PDE4DIP: variants seen among roughly 807,000 people sequenced by gnomAD.
PDE4DIP encodes myomegalin.
Under a neutral mutation model 221.4 loss-of-function variants are expected in PDE4DIP, and 59 were observed. The observed-to-expected ratio is 0.27, with a 90% CI of 0.22 to 0.33. PDE4DIP has a LOEUF of 0.33. Ranked by LOEUF, PDE4DIP falls within the 10% of genes least tolerant of loss-of-function variation. PDE4DIP has a pLI of 1.00. For missense variants in PDE4DIP, 1,036 were observed against 2,154.2 expected, an observed-to-expected ratio of 0.48 and a Z score of 10.28; for synonymous variants, 404 against 815.9, an observed-to-expected ratio of 0.50 and a Z score of 8.60.
chr1:148,956,230 A>G (rs1318569101), intron 5 of PDE4DIP, among the ~76,000 whole-genome samples: 1 of 151,976 alleles, frequency 6.6e-6, no homozygotes, highest in Non-Finnish European at 1.5e-5. Context: ...TTCTGCCACA[A>G]ATATGGAGAA....
At chr1:148,975,875 T>C (rs2060077637) in intron 17 of PDE4DIP, among the ~76,000 whole-genome samples, 1 of 152,174 alleles carries the variant, frequency 6.6e-6, no homozygotes, top group Non-Finnish European at 1.5e-5. Flanking sequence ...ATCTATAATA[T>C]AAAACCTGTG....
chr1:148,838,568 C>T (rs1448049932), intron 1 of PDE4DIP, among the ~76,000 whole-genome samples: 4 of 85,150 alleles, frequency 4.7e-5, no homozygotes, highest in Admixed American at 1.3e-4. Context: ...TGAATGCACC[C>T]GATCTCTTCT....
At chr1:148,969,536 C>T (rs2151938403) in intron 14 of PDE4DIP, among the ~76,000 whole-genome samples, 1 of 152,098 alleles carries the variant, frequency 6.6e-6, no homozygotes, top group East Asian at 1.9e-4. Context: ...TGATATTTTG[C>T]ATTTCCAGTC....
In PDE4DIP at chr1:148,966,707, G is replaced by A. The variant is rs782480361; in HGVS notation, c.1467+51G>A. On this transcript the variant is annotated intron_variant, in intron 11 of 43. Transcript: ENST00000369354. Reference sequence around the variant, plus strand: ...TGCTATGGATTATTCTATCTACATAGGTATTATAGAAATTTGTGTTTGCTT... The same window carrying A: ...TGCTATGGATTATTCTATCTACATAAGTATTATAGAAATTTGTGTTTGCTT... 11 of 717,572 alleles carry A rather than the reference G, an allele frequency of 1.5e-5. No homozygotes were observed. The East Asian group carries it at 2.7e-4, about 18-fold the overall frequency. 44.5% of individuals were successfully genotyped at this position (717,572 alleles called of 1,614,324 possible). A position where few individuals can be genotyped will look rare whatever the true frequency, so the allele number is the denominator to read the frequency against.
At chr1:148,866,611 AGGGAGGGAGGGAGGGAGGG>A (rs1686874742) in intron 2 of PDE4DIP, 4 of 35,722 alleles carry the variant, frequency 1.1e-4, no homozygotes, top group African/African-American at 3.7e-4. Context: ...GAAGGAAGGG[AGGGAGGGAGGGAGGGAGGG>A]GGAAGGGAGG....
chr1:148,893,055 A>ATG (rs1274799026), intron 1 of PDE4DIP, among the ~76,000 whole-genome samples: 11 of 77,722 alleles, frequency 1.4e-4, no homozygotes, highest in African/African-American at 2.8e-4. Flanking sequence ...TTATATATAT[A>ATG]TGTGTGTGTC....
intron 37 of PDE4DIP, among the ~76,000 whole-genome samples, chr1:149,023,240 T>A (rs1226738875): frequency 1.3e-5 from 2 of 152,316 alleles, no homozygotes; most frequent in East Asian, 3.9e-4. Context: ...ATCTAGATGA[T>A]CTGACATGAG....
intron 5 of PDE4DIP, among the ~76,000 whole-genome samples, chr1:148,957,941 CTGT>C (rs2055795688): frequency 7.4e-6 from 1 of 135,830 alleles, no homozygotes; most frequent in Non-Finnish European, 1.6e-5. Context: ...GTAGGTGTTA[CTGT>C]TGTTTTACGC....
intron 35 of PDE4DIP, 143 bp from the exon 39 acceptor site, chr1:149,020,004 G>C: frequency 1.7e-6 from 1 of 602,818 alleles, no homozygotes; most frequent in South Asian, 2.1e-5. Context: ...GGGGGATGTT[G>C]AGCCAGCATG....
chr1:148,999,580 G>A (rs1398025941), intron 23 of PDE4DIP, among the ~76,000 whole-genome samples: 12 of 151,992 alleles, frequency 7.9e-5, no homozygotes, highest in African/African-American at 2.7e-4. Context: ...ATTGTTCTAA[G>A]TGCTGATTCT....
chr1:148,979,765 A>G (rs1553540587), exon 20 of PDE4DIP: 1 of 1,613,502 alleles, frequency 6.2e-7, no homozygotes. Flanking sequence ...GGACTAGTAG[A>G]TGAACGGAGT....
intron 21 of PDE4DIP, among the ~76,000 whole-genome samples, chr1:148,987,637 G>A (rs1483582128): frequency 6.6e-6 from 1 of 152,144 alleles, no homozygotes; most frequent in Non-Finnish European, 1.5e-5. Flanking sequence ...CTCTTGCTAT[G>A]TTCTAAGTAA....
chr1:149,032,621 C>A (rs1382708302), exon 44 of PDE4DIP: 1 of 235,640 alleles, frequency 4.2e-6, no homozygotes, highest in African/African-American at 2.2e-5. Flanking sequence ...TCAGGCTTAA[C>A]CTAGCACATC....
chr1:149,030,260 G>T (rs782535743), exon 43 of PDE4DIP: 24 of 1,520,732 alleles, frequency 1.6e-5, no homozygotes, highest in Middle Eastern at 2.3e-4. Flanking sequence ...TTTTAAAGAA[G>T]GCAAGGACTA....
chr1:148,954,223 C>T (rs1273728786), intron 5 of PDE4DIP, among the ~76,000 whole-genome samples: 3 of 152,072 alleles, frequency 2.0e-5, no homozygotes, highest in East Asian at 3.8e-4. Flanking sequence ...ATTTCTGGCA[C>T]TAGAACTTTT....
intron 23 of PDE4DIP, among the ~76,000 whole-genome samples, chr1:149,001,059 TTATCTC>T (rs1365146735): frequency 1.3e-5 from 2 of 152,136 alleles, no homozygotes. Context: ...CTCAAGAAGG[TTATCTC>T]TATCACGTGA....
chr1:148,948,340 T>C (rs587651200), intron 5 of PDE4DIP, among the ~76,000 whole-genome samples: 6 of 152,070 alleles, frequency 3.9e-5, no homozygotes, highest in Admixed American at 2.0e-4. Context: ...CAATCATAAG[T>C]GTTTGGTGTA....
chr1:148,871,036 C>T lies in PDE4DIP; in HGVS notation c.441+2414C>T, dbSNP rs1553413509. On this transcript the variant is annotated intron_variant, in intron 3 of 45. Coordinates refer to the PDE4DIP transcript ENST00000524974. ...GGGCTTAAAGACAAAGGGAGACAGG[C>T]CTGGAAGAAGCAGCCAGGAATCCCT... is the stretch of plus-strand genomic sequence containing the variant. 3.0e-5 allele frequency among the ~76,000 whole-genome samples: 4 copies of T among 132,966 alleles called. 1 individual carries two copies. Among genetic ancestry groups the T allele is most frequent in the Admixed American group, 1.4e-4 (2 of 14,122 alleles). The allele number at this position is 132,966 out of a possible 152,430, so 87.2% of individuals were successfully genotyped here.
chr1:149,013,302 A>G (rs1273547924), intron 32 of PDE4DIP, among the ~76,000 whole-genome samples: 3 of 137,730 alleles, frequency 2.2e-5, no homozygotes, highest in South Asian at 2.6e-4. Context: ...TTCCTACTGC[A>G]CAGGGTTGGT....
Sources: gnomAD v4.1 joint callset for allele counts (sites outside exome capture counted in the v4.1 genomes callset) on GRCh38, gnomAD v4.1.1 for gene constraint, MANE v1.5 for transcripts, NCBI Gene and HGNC (gene_info 2026-07-23, HGNC 2026-07-21) for gene names.